Variants in NT5DC1 observed in about 807,000 individuals in gnomAD.
NT5DC1 encodes 5'-nucleotidase domain-containing protein 1.
NT5DC1 carries 42 observed loss-of-function variants against 59.4 expected under a neutral mutation model. The ratio of observed to expected loss-of-function variants is 0.71; its 90% confidence interval spans 0.55 to 0.92. The LOEUF (loss-of-function observed/expected upper bound fraction) is 0.92, where lower values mean the gene tolerates loss of function less well. NT5DC1 is among the 40% of genes least tolerant of loss of function. The pLI is 0.00. For missense variants in NT5DC1, 501 were observed against 537.1 expected (o/e 0.93, Z 0.66); for synonymous variants, 172 against 188.1 (o/e 0.91, Z 0.70).
rs186283924 is a variant in NT5DC1 at position 116,242,572 on chromosome 6, A to T, written c.1253-1337A>T. Among the ~76,000 whole-genome samples, 33 of 152,204 alleles carry T rather than the reference A, an allele frequency of 2.2e-4. No homozygotes were observed. In the East Asian group the frequency reaches 6.2e-3, roughly 29 times the overall value. ...AAAAATGATTAGCATGAGAGAGATCACTTCATAATTATAAACTCCTAGTTC... is the reference window on the plus strand; with the variant it reads ...AAAAATGATTAGCATGAGAGAGATCTCTTCATAATTATAAACTCCTAGTTC... On this transcript the variant is annotated intron_variant, in intron 11 of 11. Coordinates refer to ENST00000319550, the MANE Select transcript of NT5DC1 (RefSeq NM_152729.3).
At chr6:116,132,724 T>A (rs944321366) in intron 6 of NT5DC1, among the ~76,000 whole-genome samples, 2 of 152,136 alleles carry the variant, frequency 1.3e-5, no homozygotes, top group African/African-American at 2.4e-5. Flanking sequence ...GGCTAATGTG[T>A]TCACCCCCTG....
chr6:116,121,889 G>A, intron 6 of NT5DC1: 1 of 1,614,028 alleles, frequency 6.2e-7, no homozygotes, highest in Non-Finnish European at 8.5e-7. Context: ...TGGTCCAGAA[G>A]GACCTGGGTG....
At chr6:116,214,225 A>G (rs905046671) in intron 6 of NT5DC1, among the ~76,000 whole-genome samples, 8 of 152,142 alleles carry the variant, frequency 5.3e-5, no homozygotes, top group African/African-American at 1.9e-4. Flanking sequence ...CTCAGAAATG[A>G]AAGTGAATGT....
chr6:116,117,214 T>G (rs778446004), intron 5 of NT5DC1, among the ~76,000 whole-genome samples: 7 of 152,200 alleles, frequency 4.6e-5, no homozygotes, highest in Non-Finnish European at 5.9e-5. Flanking sequence ...TTTGCTGTGT[T>G]TAAAAATATT....
intron 8 of NT5DC1, among the ~76,000 whole-genome samples, chr6:116,224,863 G>A (rs1489304977): frequency 6.6e-6 from 1 of 152,222 alleles, no homozygotes; most frequent in African/African-American, 2.4e-5. Context: ...TGGTTTGAGT[G>A]TGGGGAAGGA....
intron 1 of NT5DC1, among the ~76,000 whole-genome samples, chr6:116,103,808 T>C (rs1352124063): frequency 6.6e-6 from 1 of 152,136 alleles, no homozygotes; most frequent in Non-Finnish European, 1.5e-5. Flanking sequence ...CTCTCTAAGG[T>C]TGCAGACTCA....
intron 6 of NT5DC1, among the ~76,000 whole-genome samples, chr6:116,130,220 T>A (rs548076154): frequency 6.6e-6 from 1 of 152,274 alleles, no homozygotes; most frequent in Admixed American, 6.5e-5. Context: ...GAGAAATGCC[T>A]TTACCAGCAT....
In NT5DC1 at chr6:116,237,061, A is replaced by G. The variant is rs776254118; in HGVS notation, c.898A>G (p.Met300Val). ...AVHLYELLKK[M>V]TGKPEPKVVY... is the part of the protein sequence containing the mutation. ...CCACCTCTATGAACTTCTGAAGAAA[A>G]TGACTGGCAAACCTGAACCCAAGGT... Residue 300 changes from methionine (M) to valine (V), a missense_variant, in exon 9 of 12, where the codon ATG becomes GTG. By Grantham distance (21) the Met-to-Val change is conservative. Coordinates refer to ENST00000319550, the MANE Select transcript of NT5DC1 (RefSeq NM_152729.3). 12 of 1,610,776 alleles carry G rather than the reference A, an allele frequency of 7.4e-6. No homozygotes were observed. Among genetic ancestry groups the G allele is most frequent in the Non-Finnish European group, 9.3e-6 (11 of 1,177,102 alleles).
At chr6:116,139,126 A>G (rs1779699778) in intron 6 of NT5DC1, among the ~76,000 whole-genome samples, 1 of 152,156 alleles carries the variant, frequency 6.6e-6, no homozygotes, top group South Asian at 2.1e-4. Flanking sequence ...AGAAAAAAGG[A>G]TAAAGAGTTA....
chr6:116,189,701 A>G (rs188821586), intron 6 of NT5DC1, among the ~76,000 whole-genome samples: 14 of 152,018 alleles, frequency 9.2e-5, no homozygotes, highest in Admixed American at 3.3e-4. Flanking sequence ...ATAGTTGGCC[A>G]TGGTGAAATG....
chr6:116,119,039 T>C (rs1311000731), intron 6 of NT5DC1: 1 of 152,676 alleles, frequency 6.5e-6, no homozygotes, highest in Non-Finnish European at 1.5e-5. Flanking sequence ...ATTGATGTTA[T>C]TTTATTGCGT....
intron 6 of NT5DC1, among the ~76,000 whole-genome samples, chr6:116,181,933 C>A (rs984848177): frequency 1.3e-5 from 2 of 151,938 alleles, no homozygotes; most frequent in Non-Finnish European, 2.9e-5. Flanking sequence ...TGAATAAGTT[C>A]TTTGGTGGTG....
chr6:116,247,605 T>G lies in NT5DC1; in HGVS notation c.*3581T>G, dbSNP rs1481488958. The G allele has an allele frequency of 1.3e-5, 2 of 152,224 alleles. No homozygotes were observed. Among genetic ancestry groups the G allele is most frequent in the African/African-American group, 4.8e-5 (2 of 41,468 alleles). 9.4% of individuals were successfully genotyped at this position (152,224 alleles called of 1,614,324 possible). ...ACAACTGGAAAAGTACATAGACTGCTTGCCAATCAGTTTGTTGTACCATGT... is the reference window on the plus strand; with the variant it reads ...ACAACTGGAAAAGTACATAGACTGCGTGCCAATCAGTTTGTTGTACCATGT... On this transcript the variant is annotated 3_prime_UTR_variant, in exon 12 of 12. Coordinates refer to ENST00000319550, the MANE Select transcript of NT5DC1 (RefSeq NM_152729.3).
intron 6 of NT5DC1, among the ~76,000 whole-genome samples, chr6:116,126,794 C>T (rs1369418809): frequency 1.3e-5 from 2 of 152,070 alleles, no homozygotes; most frequent in Non-Finnish European, 2.9e-5. Flanking sequence ...TGTTAATTTA[C>T]ATAAGATTGC....
At chr6:116,147,667 A>C (rs1367754856) in intron 6 of NT5DC1, among the ~76,000 whole-genome samples, 1 of 152,232 alleles carries the variant, frequency 6.6e-6, no homozygotes, top group Non-Finnish European at 1.5e-5. Context: ...GCAAATAGAA[A>C]CTGTTACAAG....
At chr6:116,165,098 GAAA>G (rs71554841) in intron 6 of NT5DC1, among the ~76,000 whole-genome samples, 64 of 101,044 alleles carry the variant, frequency 6.3e-4, no homozygotes, top group African/African-American at 1.2e-3. Context: ...CTCCGTCTCA[GAAA>G]AAAAAAAAAA....
Position 116,121,112 on chromosome 6 carries a change from C to T in NT5DC1, c.529+3167C>T, listed in dbSNP as rs1226539001. ...CATATTCCCAGGGGGTCCAGTCAGA[C>T]CTGGCTTCCCAGGAAGACCTGCTGG... On this transcript the variant is annotated intron_variant, in intron 6 of 11. Coordinates refer to ENST00000319550, the MANE Select transcript of NT5DC1 (RefSeq NM_152729.3). The T allele has an allele frequency of 2.5e-6, 4 of 1,613,760 alleles. No individual in the cohort carries two copies. The highest frequency in any genetic ancestry group is 3.4e-6 in the Non-Finnish European group (4 of 1,179,820).
At chr6:116,136,036 C>T (rs1326632455) in intron 6 of NT5DC1, among the ~76,000 whole-genome samples, 1 of 151,850 alleles carries the variant, frequency 6.6e-6, no homozygotes, top group Non-Finnish European at 1.5e-5. Flanking sequence ...ATTTCATGAA[C>T]TTATTCATCC....
intron 6 of NT5DC1, among the ~76,000 whole-genome samples, chr6:116,178,090 C>CGTGTGTGTGTGT (rs1432111511): frequency 2.9e-5 from 3 of 103,522 alleles, no homozygotes; most frequent in Admixed American, 2.7e-4. Context: ...TGTGTGTGTG[C>CGTGTGTGTGTGT]GCGCGCGCGC....
Sources: gnomAD v4.1 joint callset for allele counts (sites outside exome capture counted in the v4.1 genomes callset) on GRCh38, gnomAD v4.1.1 for gene constraint, MANE v1.5 for transcripts, NCBI Gene and HGNC (gene_info 2026-07-23, HGNC 2026-07-21) for gene names.